The following FARP2 variants were observed in gnomAD, a reference collection of about 807,000 sequenced individuals.
FARP2 encodes the protein FERM, ARH/RhoGEF and pleckstrin domain protein 2.
Under a neutral mutation model 130.5 loss-of-function variants are expected in FARP2, and 111 were observed. The ratio of observed to expected loss-of-function variants is 0.85; its 90% CI spans 0.73 to 1.00. FARP2 has a LOEUF of 1.00. Ranked by LOEUF, FARP2 falls within the 50% of genes least tolerant of loss-of-function variation. The pLI is 0.00. For synonymous variants in FARP2, 504 were observed against 516.9 expected (o/e 0.98, Z 0.34); for missense variants, 1,385 against 1,346.3 (o/e 1.03, Z -0.45).
intron 16 of FARP2, 81 bp downstream of exon 16, chr2:241,463,549 AACT>A: frequency 6.6e-7 from 1 of 1,517,732 alleles, no homozygotes; most frequent in Non-Finnish European, 8.9e-7. Flanking sequence ...CAGCTTCAGA[AACT>A]AATTCAGAAG....
chr2:241,466,339 C>T (rs1292463389), intron 17 of FARP2: 2 of 985,332 alleles, frequency 2.0e-6, no homozygotes, highest in East Asian at 2.3e-4. Context: ...CTCAGCGACA[C>T]TATACAACTC....
intron 18 of FARP2, among the ~76,000 whole-genome samples, chr2:241,470,203 T>C (rs2064272077): frequency 1.3e-5 from 2 of 152,248 alleles, no homozygotes; most frequent in African/African-American, 4.8e-5. Context: ...AGTACATTTG[T>C]TGGGGCTGGC....
intron 13 of FARP2, among the ~76,000 whole-genome samples, chr2:241,448,261 C>T (rs996830650): frequency 6.6e-6 from 1 of 152,088 alleles, no homozygotes. Context: ...GCCCAGCATC[C>T]GCTGCCTAAG....
At chr2:241,486,898 A>C (rs902368428) in intron 21 of FARP2, among the ~76,000 whole-genome samples, 1 of 152,120 alleles carries the variant, frequency 6.6e-6, no homozygotes, top group Non-Finnish European at 1.5e-5. Flanking sequence ...AGTGCTAGGC[A>C]CCTGTCTCTC....
intron 1 of FARP2, among the ~76,000 whole-genome samples, chr2:241,371,759 T>C (rs967749924): frequency 3.3e-5 from 5 of 152,228 alleles, no homozygotes; most frequent in African/African-American, 4.8e-5. Context: ...TTTTTTGCCA[T>C]ACTATGTTTT....
rs1158346624 is a variant in FARP2 at position 241,494,782 on chromosome 2, G to A, written c.*657G>A. On this transcript the variant is annotated 3_prime_UTR_variant, in exon 27 of 27. Coordinates refer to ENST00000264042, the MANE Select transcript of FARP2 (RefSeq NM_014808.4). This position sits in a 1 kb window ranked among gnomAD's most constrained non-coding sequence, Gnocchi z 4.9. ...CCAGCATTCCTTCCAACGGGAAGTA[G>A]ATGGGCGACTGCTTTGTTCACACAC... 6.6e-6 allele frequency: 1 copy of A among 152,248 alleles called. No individual in the cohort carries two copies. The highest frequency in any genetic ancestry group is 6.5e-5 in the Admixed American group (1 of 15,290). 9.4% of individuals were successfully genotyped at this position (152,248 alleles called of 1,614,324 possible).
intron 13 of FARP2, chr2:241,443,189 C>A: frequency 1.0e-5 from 2 of 195,186 alleles, no homozygotes; most frequent in South Asian, 8.3e-5. Context: ...GGACAGTCAT[C>A]CATTGCACTG....
chr2:241,429,108 G>A (rs767476438), intron 8 of FARP2, among the ~76,000 whole-genome samples: 19 of 152,150 alleles, frequency 1.2e-4, no homozygotes, highest in Non-Finnish European at 2.5e-4. Flanking sequence ...ACGTATAGTC[G>A]CTGAAATGCC....
chr2:241,396,526 C>T (rs2062033390), intron 2 of FARP2, among the ~76,000 whole-genome samples: 1 of 152,102 alleles, frequency 6.6e-6, no homozygotes, highest in African/African-American at 2.4e-5. Context: ...GGGTGAAGGA[C>T]ATGAACAGAC....
rs770675917 is a variant in FARP2 at position 241,486,146 on chromosome 2, C to T, written c.2421+1815C>T. ...GAAAAAAATAATTGAAAGTATAAGACAGAAATCACTCATCACTGGCCAGTT... is the reference window on the plus strand; with the variant it reads ...GAAAAAAATAATTGAAAGTATAAGATAGAAATCACTCATCACTGGCCAGTT... On this transcript the variant is annotated intron_variant, in intron 21 of 26. Transcript: ENST00000264042. Among the ~76,000 whole-genome samples the T allele has an allele frequency of 4.9e-4, 75 of 152,262 alleles. 1 individual carries two copies. The highest frequency in any genetic ancestry group is 8.7e-4 in the Non-Finnish European group (59 of 68,022).
chr2:241,379,152 GAA>G (rs1205599671), intron 2 of FARP2, among the ~76,000 whole-genome samples: 3 of 152,196 alleles, frequency 2.0e-5, no homozygotes, highest in African/African-American at 7.2e-5. Flanking sequence ...CCCCGTTCTA[GAA>G]AGTCTTCCCA....
intron 1 of FARP2, among the ~76,000 whole-genome samples, chr2:241,366,846 CGT>C (rs1559702982): frequency 6.6e-6 from 1 of 152,028 alleles, no homozygotes; most frequent in Non-Finnish European, 1.5e-5. Context: ...GGAGTGGTGC[CGT>C]GACTCAGTTT....
intron 5 of FARP2, among the ~76,000 whole-genome samples, chr2:241,409,736 G>A (rs1159904705): frequency 6.6e-6 from 1 of 152,088 alleles, no homozygotes; most frequent in Non-Finnish European, 1.5e-5. Context: ...TGAACTGTAG[G>A]TTGATTTTTC....
intron 1 of FARP2, among the ~76,000 whole-genome samples, chr2:241,364,668 A>G (rs2061264955): frequency 6.6e-6 from 1 of 152,256 alleles, no homozygotes; most frequent in Non-Finnish European, 1.5e-5. Flanking sequence ...TGGGAATTTT[A>G]GTGAAAAATA....
intron 2 of FARP2, among the ~76,000 whole-genome samples, chr2:241,374,119 C>T (rs572005512): frequency 6.9e-4 from 105 of 151,764 alleles, no homozygotes; most frequent in Non-Finnish European, 1.2e-3. Context: ...TCAAGCGATC[C>T]GCCCTCCTCA....
At position 241,468,325 on chromosome 2, in the gene FARP2, C is replaced by T; in HGVS notation, c.2079C>T (p.Arg693=). 1 of 1,613,538 alleles carries T rather than the reference C, an allele frequency of 6.2e-7. No individual in the cohort carries two copies. The highest frequency in any genetic ancestry group is 8.5e-7 in the Non-Finnish European group (1 of 1,180,024). ...TGCTGCACTACCGCCTGCTGCTGCG[C>T]CGCCTATGCGGACATTACAGCCCCG... ...QRLLHYRLLL[R]RLCGHYSPGH... Residue 693 remains arginine (R), a synonymous_variant, in exon 18 of 27, where the codon CGC becomes CGT. Transcript: ENST00000264042.
chr2:241,407,624 C>G lies in FARP2; in HGVS notation c.410+9C>G. On this transcript the variant is annotated intron_variant, in intron 5 of 26. Transcript: ENST00000264042. ...CAAGAAGAATATACAAGGTAAAGAG[C>G]TCACAGAGCTGAAGCTGTTGTCAGC... is the stretch of plus-strand genomic sequence containing the variant. The G allele has an allele frequency of 6.2e-7, 1 of 1,604,728 alleles. No individual in the cohort carries two copies. Among genetic ancestry groups the G allele is most frequent in the Non-Finnish European group, 8.5e-7 (1 of 1,171,772 alleles).
intron 2 of FARP2, among the ~76,000 whole-genome samples, chr2:241,401,831 G>A (rs994952510): frequency 2.0e-5 from 3 of 151,038 alleles, no homozygotes; most frequent in Admixed American, 1.3e-4. Context: ...CGCCCAGGCT[G>A]GAGTGCAATG....
chr2:241,483,563 T>A (rs1559811012), intron 20 of FARP2, 30 bp downstream of exon 20: 1 of 1,602,754 alleles, frequency 6.2e-7, no homozygotes, highest in African/African-American at 1.3e-5. Context: ...AAGCTGTGCT[T>A]CCCCCCGAGG....
Sources: allele counts gnomAD v4.1 joint callset (sites outside exome capture counted in the v4.1 genomes callset), GRCh38; gene constraint gnomAD v4.1.1; non-coding constraint Gnocchi (gnomAD v3.1); transcripts MANE v1.5; gene names NCBI Gene and HGNC (gene_info 2026-07-23, HGNC 2026-07-21).